Variants in PKIB observed in about 807,000 individuals in gnomAD.
PKIB encodes the protein cAMP-dependent protein kinase inhibitor beta.
In PKIB, 2 loss-of-function variants were observed where a neutral mutation model predicts 4.5. The ratio of observed to expected loss-of-function variants is 0.44; its 90% CI spans 0.18 to 1.39. The LOEUF is 1.39. Among genes scored for constraint, PKIB ranks in the 40% most tolerant of loss-of-function variants. The pLI, the probability that PKIB is intolerant of heterozygous loss-of-function variation, is 0.27. For missense variants in PKIB, 94 were observed against 92.6 expected (o/e 1.02, Z -0.06); for synonymous variants, 38 against 36.0 (o/e 1.06, Z -0.20).
chr6:122,715,963 G>T (rs1001755072), intron 3 of PKIB, among the ~76,000 whole-genome samples: 2 of 151,900 alleles, frequency 1.3e-5, no homozygotes, highest in African/African-American at 4.8e-5. Context: ...ACAAAGCAAG[G>T]GTCATACTTC....
intron 2 of PKIB, chr6:122,484,110 A>G (rs552913315): frequency 1.3e-5 from 2 of 151,918 alleles, no homozygotes; most frequent in East Asian, 3.9e-4. Flanking sequence ...AATTGAATGA[A>G]TTAATGAATT....
At chr6:122,576,228 G>C (rs371161898) in intron 2 of PKIB, among the ~76,000 whole-genome samples, 1 of 152,224 alleles carries the variant, frequency 6.6e-6, no homozygotes, top group African/African-American at 2.4e-5. Context: ...GGCTGGGCGT[G>C]GTGGCTCAAG....
intron 2 of PKIB, among the ~76,000 whole-genome samples, chr6:122,498,605 A>T (rs1776140765): frequency 6.6e-6 from 1 of 152,252 alleles, no homozygotes; most frequent in Non-Finnish European, 1.5e-5. Context: ...TTAAATGCCT[A>T]CATCAAGACT....
chr6:122,523,975 A>G (rs1280146357), intron 2 of PKIB, among the ~76,000 whole-genome samples: 2 of 152,288 alleles, frequency 1.3e-5, no homozygotes, highest in Non-Finnish European at 2.9e-5. Context: ...CAGTATGAAA[A>G]TTGACCAGTA....
chr6:122,663,205 T>C (rs1777078187), intron 2 of PKIB, among the ~76,000 whole-genome samples: 1 of 152,180 alleles, frequency 6.6e-6, no homozygotes. Context: ...TTCAAACCAT[T>C]TTAATGTATT....
intron 2 of PKIB, among the ~76,000 whole-genome samples, chr6:122,583,189 A>T (rs936737525): frequency 2.6e-5 from 4 of 152,080 alleles, no homozygotes; most frequent in Non-Finnish European, 4.4e-5. Flanking sequence ...TTTGAAAGAA[A>T]CAATAGAGCA....
intron 3 of PKIB, among the ~76,000 whole-genome samples, chr6:122,701,922 T>C (rs576602074): frequency 7.2e-5 from 11 of 152,190 alleles, no homozygotes; most frequent in African/African-American, 2.6e-4. Flanking sequence ...CCAGGAATAG[T>C]ATGAACAACC....
intron 1 of PKIB, among the ~76,000 whole-genome samples, chr6:122,619,164 C>A (rs548103810): frequency 4.6e-5 from 7 of 151,736 alleles, no homozygotes; most frequent in Non-Finnish European, 8.8e-5. Flanking sequence ...TAAATGTTTT[C>A]TTTTTACCAT....
rs1313475212 is a variant in PKIB, at chr6:122,557,450, G to A, written c.-247-28471G>A. On this transcript the variant is annotated intron_variant, in intron 2 of 6. Coordinates refer to the PKIB transcript ENST00000392491. ...TTCTGTGTCAACTTGGTTAAGCTGA[G>A]AACCGTATTTCCCAGAATCTTTTTC... is the stretch of plus-strand genomic sequence containing the variant. 2.0e-5 allele frequency among the ~76,000 whole-genome samples: 3 copies of A among 152,188 alleles called. No individual in the cohort carries two copies. The East Asian group carries it at 5.8e-4, about 29-fold the overall frequency.
At chr6:122,686,609 C>CA (rs1582811460) in intron 3 of PKIB, among the ~76,000 whole-genome samples, 1 of 151,646 alleles carries the variant, frequency 6.6e-6, no homozygotes, top group East Asian at 1.9e-4. Context: ...GCAGTCCCCC[C>CA]ACCTCGCCTC....
chr6:122,608,103 CT>C (rs1774605911), upstream of PKIB, among the ~76,000 whole-genome samples: 1 of 152,220 alleles, frequency 6.6e-6, no homozygotes, highest in South Asian at 2.1e-4. Flanking sequence ...AACTGTCTAT[CT>C]TTGTACTTCT....
rs114197258 is a variant in PKIB, at chr6:122,650,417, C to T, written c.-76+17050C>T. On this transcript the variant is annotated intron_variant, in intron 2 of 4. Transcript: ENST00000368452. Reference sequence around the variant, plus strand: ...TTCTACTTGGCCTCACTCCATAGTTCAGTAGTGTTATAACCCTTGTTTATA... The same window carrying T: ...TTCTACTTGGCCTCACTCCATAGTTTAGTAGTGTTATAACCCTTGTTTATA... 3.7e-3 allele frequency among the ~76,000 whole-genome samples: 560 copies of T among 152,274 alleles called. 4 individuals carry two copies. Among genetic ancestry groups the T allele is most frequent in the African/African-American group, 0.013 (533 of 41,556 alleles).
chr6:122,501,866 C>G (rs1174153081), intron 2 of PKIB, among the ~76,000 whole-genome samples: 2 of 149,906 alleles, frequency 1.3e-5, no homozygotes, highest in Non-Finnish European at 3.0e-5. Context: ...GTGATAAGTT[C>G]TAGTTTCAGT....
intron 2 of PKIB, among the ~76,000 whole-genome samples, chr6:122,505,188 C>G (rs988285195): frequency 1.3e-5 from 2 of 152,120 alleles, no homozygotes; most frequent in Non-Finnish European, 2.9e-5. Context: ...GCCTGTACGT[C>G]TGTCCACATT....
At chr6:122,602,329 A>G (rs1774395140) in intron 3 of PKIB, among the ~76,000 whole-genome samples, 1 of 152,214 alleles carries the variant, frequency 6.6e-6, no homozygotes, top group South Asian at 2.1e-4. Context: ...GAATGGGAAG[A>G]TGAAAAAGAT....
At chr6:122,479,031 G>C (rs1265337993) in intron 2 of PKIB, 1 of 152,242 alleles carries the variant, frequency 6.6e-6, no homozygotes, top group South Asian at 2.1e-4. Context: ...CACTTCCCGG[G>C]TGAGGTGATG....
intron 2 of PKIB, among the ~76,000 whole-genome samples, chr6:122,557,550 A>G (rs1057009100): frequency 1.3e-5 from 2 of 152,230 alleles, no homozygotes; most frequent in African/African-American, 4.8e-5. Flanking sequence ...GTGAAACAGC[A>G]GCCTTTACTT....
intron 4 of PKIB, among the ~76,000 whole-genome samples, chr6:122,724,653 A>C (rs1209416641): frequency 6.6e-6 from 1 of 151,738 alleles, no homozygotes; most frequent in Non-Finnish European, 1.5e-5. Flanking sequence ...GATAACTTTG[A>C]TTATTTTTTT....
chr6:122,533,784 C>T (rs79587680), intron 2 of PKIB, among the ~76,000 whole-genome samples: 14,230 of 152,134 alleles, frequency 0.094, 821 homozygotes, highest in South Asian at 0.15. Flanking sequence ...CTTCCTTTCT[C>T]ATGGGTCTGC....
Sources: allele counts gnomAD v4.1 joint callset (sites outside exome capture counted in the v4.1 genomes callset), GRCh38; gene constraint gnomAD v4.1.1; transcripts MANE v1.5; gene names NCBI Gene and HGNC (gene_info 2026-07-23, HGNC 2026-07-21).